NPR2: variants seen among roughly 807,000 people sequenced by gnomAD.
NPR2 encodes the protein natriuretic peptide receptor 2.
Under a neutral mutation model 120.7 loss-of-function variants are expected in NPR2, and 49 were observed. The ratio of observed to expected loss-of-function variants is 0.41; its 90% CI spans 0.32 to 0.52. The LOEUF (loss-of-function observed/expected upper bound fraction) is 0.52. Among genes scored for constraint, NPR2 ranks in the 20% least tolerant of loss-of-function variants. The pLI, the probability that NPR2 is intolerant of heterozygous loss-of-function variation, is 0.36. For synonymous variants in NPR2, 484 were observed against 519.8 expected (o/e 0.93, Z 0.94); for missense variants, 931 against 1,362.9 (o/e 0.68, Z 4.99).
chr9:35,801,275 C>A, intron 7 of NPR2, 121 bp downstream of exon 7: 1 of 795,294 alleles, frequency 1.3e-6, no homozygotes, highest in South Asian at 1.4e-5. Context: ...TGCTGGTTGT[C>A]TCTTAGATCC....
In NPR2 at chr9:35,806,241, G is replaced by C. The variant is rs758273922; in HGVS notation, c.2372+8G>C. On this transcript the variant is annotated splice_region_variant and intron_variant, in intron 15 of 21. Transcript: ENST00000342694. This position sits in a 1 kb window ranked among gnomAD's most constrained non-coding sequence, Gnocchi z 4.6. The stretch of plus-strand genomic sequence containing the variant: ...CATTCGGCGCTTTAACAAGTGAGAG[G>C]GCATTATGGGGCAGGGGCTTCCCAG... 1 of 1,614,100 alleles carries C rather than the reference G, an allele frequency of 6.2e-7. No homozygotes were observed. The highest frequency in any genetic ancestry group is 8.5e-7 in the Non-Finnish European group (1 of 1,180,022).
chr9:35,802,908 T>G lies in NPR2; in HGVS notation c.1887+105T>G. ...AGTCCTCTGAAGTCCTGTTCTCTCA[T>G]CTCCCCTTATTCCCATGGTCTGGTA... On this transcript the variant is annotated intron_variant, in intron 12 of 21. Coordinates refer to ENST00000342694, the MANE Select transcript of NPR2 (RefSeq NM_003995.4). The surrounding 1 kb of genome is among the most constrained non-coding windows in gnomAD (Gnocchi z 4.2). 1 of 803,538 alleles carries G rather than the reference T, an allele frequency of 1.2e-6. No individual in the cohort carries two copies. The highest frequency in any genetic ancestry group is 2.5e-5 in the East Asian group (1 of 40,556). The allele number at this position is 803,538 out of a possible 1,614,324, so 49.8% of individuals were successfully genotyped here. A position where few individuals can be genotyped will look rare whatever the true frequency, so the allele number is the denominator to read the frequency against.
chr9:35,796,053 A>G (rs1827936038), intron 2 of NPR2, among the ~76,000 whole-genome samples: 1 of 152,240 alleles, frequency 6.6e-6, no homozygotes, highest in Admixed American at 6.5e-5. Context: ...ACATATTGTG[A>G]TGTGTTACTA....
chr9:35,801,855 T>A, intron 8 of NPR2, 71 bp from the exon 9 acceptor site: 1 of 1,603,512 alleles, frequency 6.2e-7, no homozygotes, highest in Admixed American at 1.7e-5. Flanking sequence ...CTTGTAATGA[T>A]AGCCCCTGCA....
In NPR2 at chr9:35,808,423, T is replaced by G. The variant is rs1476712905; in HGVS notation, c.2713-86T>G. 1.4e-6 allele frequency: 2 copies of G among 1,470,744 alleles called. No homozygotes were observed. The highest frequency in any genetic ancestry group is 1.9e-6 in the Non-Finnish European group (2 of 1,054,030). 91.1% of individuals were successfully genotyped at this position (1,470,744 alleles called of 1,614,324 possible). A position where few individuals can be genotyped will look rare whatever the true frequency, so the allele number is the denominator to read the frequency against. ...GTCTCCAGCATGTCAGGATGATTAA[T>G]GATGGTGTCAAGCTTGTCTCCCTCT... On this transcript the variant is annotated intron_variant, in intron 18 of 21. Coordinates refer to ENST00000342694, the MANE Select transcript of NPR2 (RefSeq NM_003995.4). This position sits in a 1 kb window ranked among gnomAD's most constrained non-coding sequence, Gnocchi z 4.0.
rs775535401 is a variant in NPR2 at position 35,807,117 on chromosome 9, G to C, written c.2614G>C (p.Ala872Pro). The C allele has an allele frequency of 2.7e-6, 4 of 1,455,660 alleles. No homozygotes were observed. Among genetic ancestry groups the C allele is most frequent in the Non-Finnish European group, 2.8e-6 (3 of 1,081,558 alleles). 90.2% of individuals were successfully genotyped at this position (1,455,660 alleles called of 1,614,324 possible). A position where few individuals can be genotyped will look rare whatever the true frequency, so the allele number is the denominator to read the frequency against. The change falls in exon 17 of 22, where the codon GCA becomes CCA. Residue 872 changes from alanine to proline, a missense_variant. Around this residue, in one of 3 missense-constraint regions of NPR2, gnomAD observed 184 missense variants for 328.3 expected, o/e 0.56. Coordinates refer to ENST00000342694, the MANE Select transcript of NPR2 (RefSeq NM_003995.4). ...CTTCAGTGACATTGTTGGCTTCACAGCATTGTCAGCAGAGAGCACCCCCAT... is the reference window on the plus strand; with the variant it reads ...CTTCAGTGACATTGTTGGCTTCACACCATTGTCAGCAGAGAGCACCCCCAT... ...IYFSDIVGFT[A>P]LSAESTPMQV...
rs1490406065 is a variant in NPR2, at chr9:35,791,718, C to T, written c.-691C>T. On this transcript the variant is annotated 5_prime_UTR_variant, in exon 1 of 22. Coordinates refer to ENST00000342694, the MANE Select transcript of NPR2 (RefSeq NM_003995.4). The stretch of plus-strand genomic sequence containing the variant: ...GGAAGCGCCGGGCAGCGCCGGCCGC[C>T]AGGGCCCAGGAGAAGCGGAGCAGAG... 1.3e-5 allele frequency among the ~76,000 whole-genome samples: 2 copies of T among 151,100 alleles called. No individual in the cohort carries two copies. The highest frequency in any genetic ancestry group is 2.4e-5 in the African/African-American group (1 of 41,102).
At chr9:35,801,837 C>T (rs1222451689) in intron 8 of NPR2, 74 bp downstream of exon 8, 3 of 1,607,456 alleles carry the variant, frequency 1.9e-6, no homozygotes, top group Middle Eastern at 1.6e-4. Flanking sequence ...TCTCTCCCAG[C>T]ACATTGGCTT....
rs1828215793 is a variant in NPR2 at position 35,802,618 on chromosome 9, GGT to G, written c.1815+14_1815+15del. 2 of 1,530,092 alleles carry G rather than the reference GGT, an allele frequency of 1.3e-6. No homozygotes were observed. The highest frequency in any genetic ancestry group is 2.7e-5 in the African/African-American group (2 of 72,978). 94.8% of individuals were successfully genotyped at this position (1,530,092 alleles called of 1,614,324 possible). The stretch of plus-strand genomic sequence containing the variant: ...CGTGGGAGTTTACAGGTGAGGGATA[GGT>G]GTAGGAGATTATGGCAGGGGTGGGA... On this transcript the variant is annotated intron_variant, in intron 11 of 21. Coordinates refer to ENST00000342694, the MANE Select transcript of NPR2 (RefSeq NM_003995.4). This position sits in a 1 kb window ranked among gnomAD's most constrained non-coding sequence, Gnocchi z 4.2.
In NPR2 at chr9:35,806,127, C is replaced by T. The variant is rs1828368702; in HGVS notation, c.2266C>T (p.Gln756Ter). 1 of 1,614,214 alleles carries T rather than the reference C, an allele frequency of 6.2e-7. No individual in the cohort carries two copies. The highest frequency in any genetic ancestry group is 8.5e-7 in the Non-Finnish European group (1 of 1,180,052). ...PYFRPSIDRTQLNEELVLLME... is the reference protein window; with the variant it reads ...PYFRPSIDRT ...TTTCCGGCCAAGCATTGACCGGACCCAACTGAATGAAGAGCTAGTTTTGCT... is the reference window on the plus strand; with the variant it reads ...TTTCCGGCCAAGCATTGACCGGACCTAACTGAATGAAGAGCTAGTTTTGCT... The change falls in exon 15 of 22, where the codon CAA becomes TAA. Residue 756 changes from glutamine (Q) to a stop codon, truncating the protein, a stop_gained. Transcript: ENST00000342694. LOFTEE classifies it high-confidence loss of function. The surrounding 1 kb of genome is among the most constrained non-coding windows in gnomAD (Gnocchi z 4.6).
chr9:35,792,428 T>A lies in NPR2; in HGVS notation c.20T>A (p.Leu7Gln). The A allele has an allele frequency of 3.1e-6, 5 of 1,611,622 alleles. No homozygotes were observed. The highest frequency in any genetic ancestry group is 4.2e-6 in the Non-Finnish European group (5 of 1,179,788). Residue 7 changes from leucine (L) to glutamine (Q), a missense_variant, in exon 1 of 22, where the codon CTG becomes CAG. Transcript: ENST00000342694. MALPSL[L>Q]LLVAALAGGV... ...ATCCCCATGGCGCTGCCATCACTTC[T>A]GCTGTTGGTGGCAGCCCTGGCAGGT...
Position 35,793,904 on chromosome 9 carries a change from A to C in NPR2, c.674A>C (p.Tyr225Ser). The change falls in exon 2 of 22, where the codon TAT becomes TCT. Residue 225 changes from tyrosine (Y) to serine (S), a missense_variant. Transcript: ENST00000342694. Reference sequence around the variant, plus strand: ...GTCATGTACCTGCTCCCAGTTGTGTATATCTGCGGCCCTCTGGAGATGCTG... The same window carrying C: ...GTCATGTACCTGCTCCCAGTTGTGTCTATCTGCGGCCCTCTGGAGATGCTG... ...HFIRANGRIV[Y>S]ICGPLEMLHE... 1 of 1,614,168 alleles carries C rather than the reference A, an allele frequency of 6.2e-7. No homozygotes were observed. Among genetic ancestry groups the C allele is most frequent in the Non-Finnish European group, 8.5e-7 (1 of 1,180,014 alleles).
Position 35,805,782 on chromosome 9 carries a change from G to A in NPR2, c.2048-48G>A. 1 of 1,610,356 alleles carries A rather than the reference G, an allele frequency of 6.2e-7. No individual in the cohort carries two copies. Among genetic ancestry groups the A allele is most frequent in the Non-Finnish European group, 8.5e-7 (1 of 1,177,250 alleles). ...ATAGGGATGAGCCCAGGTGGGCTTG[G>A]GGGTGCCCCATTTCGGGGGACCTGG... On this transcript the variant is annotated intron_variant, in intron 13 of 21. Coordinates refer to ENST00000342694, the MANE Select transcript of NPR2 (RefSeq NM_003995.4). The surrounding 1 kb of genome is among the most constrained non-coding windows in gnomAD (Gnocchi z 4.9).
At position 35,793,924 on chromosome 9, in the gene NPR2, A is replaced by G. The variant is rs772855700; in HGVS notation, c.694A>G (p.Met232Val). 2 of 1,613,994 alleles carry G rather than the reference A, an allele frequency of 1.2e-6. No individual in the cohort carries two copies. The highest frequency in any genetic ancestry group is 2.2e-5 in the East Asian group (1 of 44,896). Residue 232 changes from methionine to valine, a missense_variant, in exon 2 of 22, where the codon ATG becomes GTG. This residue lies in a region of NPR2 where 681 missense variants were observed against 974.3 expected (regional missense o/e 0.70). Transcript: ENST00000342694. ...RIVYICGPLE[M>V]LHEILLQAQR... is the part of the protein sequence containing the mutation. ...TGTGTATATCTGCGGCCCTCTGGAG[A>G]TGCTGCATGAGATCCTGCTTCAGGC...
In NPR2 at chr9:35,806,360, A is replaced by G. The variant is rs906012067; in HGVS notation, c.2373-32A>G. On this transcript the variant is annotated intron_variant, in intron 15 of 21. Coordinates refer to ENST00000342694, the MANE Select transcript of NPR2 (RefSeq NM_003995.4). This position sits in a 1 kb window ranked among gnomAD's most constrained non-coding sequence, Gnocchi z 4.6. ...AAGTCCTGGGAATCTTCAGAATCTTAGAGCAAGTGCCTTATCCTGGCCTCC... is the reference window on the plus strand; with the variant it reads ...AAGTCCTGGGAATCTTCAGAATCTTGGAGCAAGTGCCTTATCCTGGCCTCC... The G allele has an allele frequency of 1.2e-6, 2 of 1,613,140 alleles. No homozygotes were observed. Among genetic ancestry groups the G allele is most frequent in the African/African-American group, 2.7e-5 (2 of 74,890 alleles).
chr9:35,799,635 G>A lies in NPR2; in HGVS notation c.891G>A (p.Thr297=), dbSNP rs770146341. ...TGGTACAGACTGTATTGGTGATCAC[G>A]TACCGAGAACCCCCAAATCCTGAGT... ...REAFQTVLVI[T]YREPPNPEYQ... is the part of the protein sequence containing the mutation. The change falls in exon 3 of 22, where the codon ACG becomes ACA. Residue 297 remains threonine (T), a synonymous_variant. Coordinates refer to ENST00000342694, the MANE Select transcript of NPR2 (RefSeq NM_003995.4). 8.1e-6 allele frequency: 13 copies of A among 1,613,324 alleles called. No individual in the cohort carries two copies. Among genetic ancestry groups the A allele is most frequent in the South Asian group, 3.3e-5 (3 of 91,058 alleles).
intron 2 of NPR2, among the ~76,000 whole-genome samples, chr9:35,794,830 CT>C: frequency 7.2e-6 from 1 of 139,514 alleles, no homozygotes; most frequent in East Asian, 2.2e-4. Context: ...GGGTCCTTGA[CT>C]TTTTGTGTGT....
rs140913846 is a variant in NPR2, at chr9:35,806,841, G to A, written c.2520-182G>A. Among the ~76,000 whole-genome samples, 658 of 152,118 alleles carry A rather than the reference G, an allele frequency of 4.3e-3. 7 individuals are homozygous for A. The highest frequency in any genetic ancestry group is 0.015 in the African/African-American group (631 of 41,496). ...ACAGGGATTCCCCTCAAACCCCCCC[G>A]CCACTTGTGTGCCTTACCTTGCATT... On this transcript the variant is annotated intron_variant, in intron 16 of 21. Transcript: ENST00000342694. This position sits in a 1 kb window ranked among gnomAD's most constrained non-coding sequence, Gnocchi z 4.6.
chr9:35,792,360 C>A lies in NPR2; in HGVS notation c.-49C>A, dbSNP rs368985660. The A allele has an allele frequency of 1.3e-6, 2 of 1,584,922 alleles. No homozygotes were observed. Among genetic ancestry groups the A allele is most frequent in the Non-Finnish European group, 1.7e-6 (2 of 1,167,632 alleles). Reference sequence around the variant, plus strand: ...GGGGTGCTCGCGTCTCCCCTGTAGGCCAGAGCAGCCCCAAGTTCTGGGGGC... The same window carrying A: ...GGGGTGCTCGCGTCTCCCCTGTAGGACAGAGCAGCCCCAAGTTCTGGGGGC... On this transcript the variant is annotated 5_prime_UTR_variant, in exon 1 of 22. Transcript: ENST00000342694.
Sources: gnomAD v4.1 joint callset for allele counts (sites outside exome capture counted in the v4.1 genomes callset) on GRCh38, gnomAD v4.1.1 for gene constraint, gnomAD v4.1.1 regional missense constraint, Gnocchi (gnomAD v3.1) non-coding constraint, MANE v1.5 for transcripts, NCBI Gene and HGNC (gene_info 2026-07-23, HGNC 2026-07-21) for gene names.